Variants in CACNA2D4 observed in about 807,000 individuals in gnomAD.
The protein encoded by CACNA2D4 is calcium voltage-gated channel auxiliary subunit alpha2delta 4, also known as voltage-dependent calcium channel subunit alpha-2/delta-4.
Under a neutral mutation model 163.8 loss-of-function variants are expected in CACNA2D4, and 157 were observed. That is an observed-to-expected ratio of 0.96 (90% CI 0.84 to 1.09). The LOEUF (loss-of-function observed/expected upper bound fraction) is 1.09. Among genes scored for constraint, CACNA2D4 ranks in the 50% least tolerant of loss-of-function variants. The probability of loss-of-function intolerance (pLI) is 0.00; values close to 1 mark genes in which losing one functional copy is unlikely to be tolerated. For missense variants in CACNA2D4, 1,410 were observed against 1,479.9 expected, an observed-to-expected ratio of 0.95 and a Z score of 0.78; for synonymous variants, 598 against 586.9, an observed-to-expected ratio of 1.02 and a Z score of -0.27.
At chr12:1,838,866 C>A (rs1042008301) in intron 26 of CACNA2D4, among the ~76,000 whole-genome samples, 1 of 152,140 alleles carries the variant, frequency 6.6e-6, no homozygotes, top group African/African-American at 2.4e-5. Context: ...ATTTCGGAGT[C>A]AAAGTTTGGC....
intron 1 of CACNA2D4, 62 bp downstream of exon 1, chr12:1,918,185 C>G (rs1355287400): frequency 8.5e-6 from 11 of 1,293,954 alleles, no homozygotes; most frequent in Non-Finnish European, 1.2e-5. Flanking sequence ...GGAGGCCCAG[C>G]CCGGGAAGAA....
At position 1,840,696 on chromosome 12, in the gene CACNA2D4, G is replaced by A. The variant is rs975221833; in HGVS notation, c.2551+43C>T. ...TGATCTATGCCTTGCTCTTTACACT[G>A]TCCCCAGCTTCCTGGCCTCAACACC... On this transcript the variant is annotated intron_variant, in intron 26 of 37. Transcript: ENST00000382722. 5.2e-6 allele frequency: 8 copies of A among 1,532,534 alleles called. No homozygotes were observed. The Admixed American group carries it at 1.2e-4, about 22-fold the overall frequency. The allele number at this position is 1,532,534 out of a possible 1,614,324, so 94.9% of individuals were successfully genotyped here. A position where few individuals can be genotyped will look rare whatever the true frequency, so the allele number is the denominator to read the frequency against.
intron 36 of CACNA2D4, 98 bp downstream of exon 36, chr12:1,795,570 G>T: frequency 1.0e-6 from 1 of 972,312 alleles, no homozygotes; most frequent in Non-Finnish European, 1.6e-6. Context: ...GACACGGGCG[G>T]TGAAGGAGGC....
intron 35 of CACNA2D4, among the ~76,000 whole-genome samples, chr12:1,796,218 G>C (rs1162368307): frequency 6.6e-6 from 1 of 152,202 alleles, no homozygotes; most frequent in African/African-American, 2.4e-5. Flanking sequence ...CGCGCTCGGC[G>C]AGGCCGCCCT....
At chr12:1,863,897 C>A (rs79136720) in intron 18 of CACNA2D4, among the ~76,000 whole-genome samples, 16 of 143,334 alleles carry the variant, frequency 1.1e-4, no homozygotes, top group South Asian at 2.2e-4. Flanking sequence ...AATCACTTTA[C>A]AAAAAAAAAA....
intron 18 of CACNA2D4, among the ~76,000 whole-genome samples, chr12:1,863,505 T>C (rs1865569413): frequency 6.6e-6 from 1 of 152,208 alleles, no homozygotes; most frequent in Non-Finnish European, 1.5e-5. Flanking sequence ...TATAAATCAA[T>C]TTGGGGAGAA....
At position 1,828,427 on chromosome 12, in the gene CACNA2D4, A is replaced by C. The variant is rs1019908030; in HGVS notation, c.2551+12312T>G. Among the ~76,000 whole-genome samples, 11 of 152,180 alleles carry C rather than the reference A, an allele frequency of 7.2e-5. 1 individual carries two copies. Among genetic ancestry groups the C allele is most frequent in the Admixed American group, 3.9e-4 (6 of 15,290 alleles). ...CAGTCAGAGTCACCGCTGAGTGCTG[A>C]GTGGTTAGACCTGGAGCTGGAGGCC... On this transcript the variant is annotated intron_variant, in intron 26 of 37. Transcript: ENST00000382722. This position sits in a 1 kb window ranked among gnomAD's most constrained non-coding sequence, Gnocchi z 4.2.
At chr12:1,826,343 A>G (rs959773164) in intron 26 of CACNA2D4, among the ~76,000 whole-genome samples, 3 of 149,732 alleles carry the variant, frequency 2.0e-5, no homozygotes, top group African/African-American at 7.4e-5. Context: ...AAAGAAGCTG[A>G]GGCCCAGAGG....
chr12:1,813,518 AAC>A (rs1565679609), intron 26 of CACNA2D4, among the ~76,000 whole-genome samples: 1 of 152,234 alleles, frequency 6.6e-6, no homozygotes, highest in Non-Finnish European at 1.5e-5. Context: ...GAATTTAAAA[AAC>A]AGTTAATTTT....
At chr12:1,882,548 G>C (rs569658324) in intron 13 of CACNA2D4, among the ~76,000 whole-genome samples, 3 of 151,542 alleles carry the variant, frequency 2.0e-5, no homozygotes, top group Non-Finnish European at 4.4e-5. Context: ...GTGGGAGGGA[G>C]GGATGATGAG....
rs114552293 is a variant in CACNA2D4 at position 1,855,866 on chromosome 12, A to T, written c.2152+146T>A. The T allele has an allele frequency of 5.1e-3, 3,219 of 636,734 alleles. 91 individuals are homozygous for T. Among genetic ancestry groups the T allele is most frequent in the African/African-American group, 0.047 (2,553 of 54,722 alleles). 39.4% of individuals were successfully genotyped at this position (636,734 alleles called of 1,614,324 possible). On this transcript the variant is annotated intron_variant, in intron 22 of 37. Coordinates refer to ENST00000382722, the MANE Select transcript of CACNA2D4 (RefSeq NM_172364.5). ...GCTGGCTATGCCTTTTTCTTTGGGAATCTCCCTGTTTGATCTAAGCCATCC... is the reference window on the plus strand; with the variant it reads ...GCTGGCTATGCCTTTTTCTTTGGGATTCTCCCTGTTTGATCTAAGCCATCC...
At chr12:1,896,601 T>G (rs1382218539) in intron 6 of CACNA2D4, among the ~76,000 whole-genome samples, 1 of 114,744 alleles carries the variant, frequency 8.7e-6, no homozygotes, top group African/African-American at 3.3e-5. Flanking sequence ...GAATAGCTAT[T>G]AATAAACACA....
At chr12:1,896,775 C>T (rs142830794) in intron 6 of CACNA2D4, among the ~76,000 whole-genome samples, 45 of 152,248 alleles carry the variant, frequency 3.0e-4, no homozygotes, top group African/African-American at 1.0e-3. Flanking sequence ...AAAAATAGAA[C>T]TACCATATGA....
At chr12:1,884,708 G>T in intron 11 of CACNA2D4, 60 bp downstream of exon 11, 1 of 1,111,556 alleles carries the variant, frequency 9.0e-7, no homozygotes, top group Non-Finnish European at 1.4e-6. Flanking sequence ...CCCTGCTGGT[G>T]ATCCCATCCA....
Position 1,844,669 on chromosome 12 carries a change from TC to T in CACNA2D4, c.2343-141del. 2.4e-6 allele frequency: 2 copies of T among 826,920 alleles called. No individual in the cohort carries two copies. Among genetic ancestry groups the T allele is most frequent in the Non-Finnish European group, 3.7e-6 (2 of 539,658 alleles). 51.2% of individuals were successfully genotyped at this position (826,920 alleles called of 1,614,324 possible). The stretch of plus-strand genomic sequence containing the variant: ...AATTAGTACGGCCCCAGACAATGCT[TC>T]CCAGCAATTCTCGCCTTTTCCAGAA... On this transcript the variant is annotated intron_variant, in intron 24 of 37. Coordinates refer to ENST00000382722, the MANE Select transcript of CACNA2D4 (RefSeq NM_172364.5). The surrounding 1 kb of genome is among the most constrained non-coding windows in gnomAD (Gnocchi z 4.2).
At position 1,828,473 on chromosome 12, in the gene CACNA2D4, C is replaced by T. The variant is rs1471325217; in HGVS notation, c.2551+12266G>A. On this transcript the variant is annotated intron_variant, in intron 26 of 37. Transcript: ENST00000382722. The surrounding 1 kb of genome is among the most constrained non-coding windows in gnomAD (Gnocchi z 4.2). ...AGGCCACGACAGTTGTTCTACCTCCCCCAGGTAAGTCTCTGTGAGCTTGCT... is the reference window on the plus strand; with the variant it reads ...AGGCCACGACAGTTGTTCTACCTCCTCCAGGTAAGTCTCTGTGAGCTTGCT... Among the ~76,000 whole-genome samples the T allele has an allele frequency of 1.3e-5, 2 of 152,226 alleles. No homozygotes were observed. Among genetic ancestry groups the T allele is most frequent in the Non-Finnish European group, 2.9e-5 (2 of 68,040 alleles).
chr12:1,857,942 G>T (rs1364687127), intron 20 of CACNA2D4, among the ~76,000 whole-genome samples: 2 of 152,190 alleles, frequency 1.3e-5, no homozygotes, highest in Non-Finnish European at 2.9e-5. Flanking sequence ...ACAGTGAGAG[G>T]CAGCTGAGGG....
chr12:1,802,389 C>T lies in CACNA2D4; in HGVS notation c.2722-745G>A, dbSNP rs1007307921. On this transcript the variant is annotated intron_variant, in intron 29 of 37. Transcript: ENST00000382722. The surrounding 1 kb of genome is among the most constrained non-coding windows in gnomAD (Gnocchi z 4.7). ...TTCATTTCCAAAAAATAAAACAGGACCCTCCCTCCTGCCCCCGGCTCCCCT... is the reference window on the plus strand; with the variant it reads ...TTCATTTCCAAAAAATAAAACAGGATCCTCCCTCCTGCCCCCGGCTCCCCT... Among the ~76,000 whole-genome samples the T allele has an allele frequency of 6.6e-6, 1 of 152,166 alleles. No individual in the cohort carries two copies. Among genetic ancestry groups the T allele is most frequent in the Non-Finnish European group, 1.5e-5 (1 of 68,024 alleles).
intron 26 of CACNA2D4, among the ~76,000 whole-genome samples, chr12:1,821,025 C>CA (rs1329275606): frequency 6.6e-6 from 1 of 152,230 alleles, no homozygotes; most frequent in East Asian, 1.9e-4. Flanking sequence ...TCTGAGCCCA[C>CA]AGTGCTGGGG....
Sources: gnomAD v4.1 joint callset for allele counts (sites outside exome capture counted in the v4.1 genomes callset) on GRCh38, gnomAD v4.1.1 for gene constraint, Gnocchi (gnomAD v3.1) non-coding constraint, MANE v1.5 for transcripts, NCBI Gene and HGNC (gene_info 2026-07-23, HGNC 2026-07-21) for gene names.